Variants in SENP7 observed in about 807,000 individuals in gnomAD.
The protein encoded by SENP7 is SUMO specific peptidase 7.
SENP7 carries 64 observed loss-of-function variants against 141.2 expected under a neutral mutation model. The ratio of observed to expected loss-of-function variants is 0.45; its 90% CI spans 0.37 to 0.56. The LOEUF is 0.56. SENP7 is among the 20% of genes least tolerant of loss of function. The pLI is 0.00. For synonymous variants in SENP7, 382 were observed against 426.4 expected, an observed-to-expected ratio of 0.90 and a Z score of 1.28; for missense variants, 1,025 against 1,212.2, an observed-to-expected ratio of 0.85 and a Z score of 2.29.
chr3:101,384,327 A>T (rs888351332), intron 6 of SENP7, among the ~76,000 whole-genome samples: 1 of 152,268 alleles, frequency 6.6e-6, no homozygotes, highest in Non-Finnish European at 1.5e-5. Flanking sequence ...AGGGTGCTAC[A>T]CACTCTTGCC....
In SENP7 at chr3:101,493,916, A is replaced by G. The variant is rs759146742; in HGVS notation, c.143T>C (p.Leu48Pro). Reference sequence around the variant, plus strand: ...GCGTTCTGAGCTTCTGAATTTGGACAGTGGTGATTGAACATGGACATCCTC... The same window carrying G: ...GCGTTCTGAGCTTCTGAATTTGGACGGTGGTGATTGAACATGGACATCCTC... ...KPEDVHVQSP[L>P]SKFRSSERWT... The change falls in exon 3 of 24, where the codon CTG becomes CCG. Residue 48 changes from leucine (L) to proline (P), a missense_variant. By Grantham distance (98) the Leu-to-Pro change is moderately conservative. Transcript: ENST00000394095. The G allele has an allele frequency of 6.2e-7, 1 of 1,610,728 alleles. No homozygotes were observed. The highest frequency in any genetic ancestry group is 8.5e-7 in the Non-Finnish European group (1 of 1,177,648).
chr3:101,512,504 C>A (rs1464867142), intron 1 of SENP7, among the ~76,000 whole-genome samples: 1 of 152,228 alleles, frequency 6.6e-6, no homozygotes, highest in Non-Finnish European at 1.5e-5. Flanking sequence ...ACTTTCCAAT[C>A]ACTTTTGGAA....
Position 101,366,621 on chromosome 3 carries a change from A to G in SENP7, c.1127T>C (p.Leu376Ser). Residue 376 changes from leucine to serine, a missense_variant, in exon 9 of 24, where the codon TTG becomes TCG. Leu to Ser is a moderately radical substitution (Grantham distance 145). Coordinates refer to ENST00000394095, the MANE Select transcript of SENP7 (RefSeq NM_020654.5). ...ACTTTTGGTGGCATTACTCAAAGTC[A>G]ACTCCTGACTGTTAAGTGAGGATAG... ...TKLSSLNSQELTLSNATKSAS... is the reference protein window; with the variant it reads ...TKLSSLNSQESTLSNATKSAS... 10 of 1,614,002 alleles carry G rather than the reference A, an allele frequency of 6.2e-6. No homozygotes were observed. Among genetic ancestry groups the G allele is most frequent in the Non-Finnish European group, 8.5e-6 (10 of 1,179,880 alleles).
In SENP7 at chr3:101,347,900, T is replaced by C. The variant is rs908722378; in HGVS notation, c.1809A>G (p.Gln603=). 3.2e-5 allele frequency: 51 copies of C among 1,594,622 alleles called. No individual in the cohort carries two copies. The highest frequency in any genetic ancestry group is 4.2e-5 in the Non-Finnish European group (49 of 1,168,420). ...SSDYLQEIQT[Q]LEHSVLSQQS... ...GCTGGCTTAATACAGAGTGTTCTAATTGGGTCTGAATCTCTTGAAGATAAT... is the reference window on the plus strand; with the variant it reads ...GCTGGCTTAATACAGAGTGTTCTAACTGGGTCTGAATCTCTTGAAGATAAT... Residue 603 remains glutamine (Q), a synonymous_variant, in exon 13 of 24, where the codon CAA becomes CAG. Coordinates refer to ENST00000394095, the MANE Select transcript of SENP7 (RefSeq NM_020654.5).
intron 2 of SENP7, among the ~76,000 whole-genome samples, chr3:101,494,985 G>A (rs1445329381): frequency 6.6e-6 from 1 of 151,996 alleles, no homozygotes; most frequent in Non-Finnish European, 1.5e-5. Flanking sequence ...CAGCAAAAGA[G>A]TGAACAGACA....
rs568524779 is a variant in SENP7, at chr3:101,387,185, G to A, written c.677+11676C>T. Among the ~76,000 whole-genome samples, 8 of 152,172 alleles carry A rather than the reference G, an allele frequency of 5.3e-5. No individual in the cohort carries two copies. In the East Asian group the frequency reaches 1.6e-3, roughly 30 times the overall value. On this transcript the variant is annotated intron_variant, in intron 6 of 23. Transcript: ENST00000394095. ...GCACAATCAGAGAGCATAAGACTAG[G>A]TCAGCCCTGCTCACTGCCACCATTA...
intron 7 of SENP7, among the ~76,000 whole-genome samples, chr3:101,370,360 A>C (rs961573994): frequency 6.6e-6 from 1 of 152,110 alleles, no homozygotes; most frequent in East Asian, 1.9e-4. Context: ...CCACTTGTAC[A>C]AATACTTACA....
intron 3 of SENP7, among the ~76,000 whole-genome samples, chr3:101,477,956 GT>G (rs538042881): frequency 2.6e-5 from 4 of 151,532 alleles, no homozygotes; most frequent in East Asian, 3.9e-4. Context: ...AAAAAGCGTT[GT>G]TTTTTTTAAA....
chr3:101,447,555 T>C (rs1341574733), intron 4 of SENP7, among the ~76,000 whole-genome samples: 1 of 152,050 alleles, frequency 6.6e-6, no homozygotes, highest in Non-Finnish European at 1.5e-5. Context: ...AAAGACACAC[T>C]GAAAACCACA....
intron 2 of SENP7, among the ~76,000 whole-genome samples, chr3:101,498,424 C>A (rs922821655): frequency 2.0e-5 from 3 of 152,198 alleles, no homozygotes; most frequent in Admixed American, 1.3e-4. Context: ...GTCATCATCA[C>A]TTCTGTGGTA....
intron 5 of SENP7, among the ~76,000 whole-genome samples, chr3:101,416,459 C>A (rs1167244434): frequency 6.6e-6 from 1 of 152,096 alleles, no homozygotes; most frequent in Non-Finnish European, 1.5e-5. Flanking sequence ...GAAAGCCATT[C>A]CTTTAAGTAG....
At chr3:101,440,972 A>G (rs1052972041) in intron 4 of SENP7, among the ~76,000 whole-genome samples, 1 of 152,212 alleles carries the variant, frequency 6.6e-6, no homozygotes, top group Non-Finnish European at 1.5e-5. Context: ...CAAATTAAGA[A>G]TAGAAAGGAA....
chr3:101,341,775 G>A lies in SENP7; in HGVS notation c.2111C>T (p.Ser704Leu), dbSNP rs773602247. The stretch of plus-strand genomic sequence containing the variant: ...AGTAGGCTTGGCCGCATCTGTGTTT[G>A]AGGGCTGACAGAAAGTGGCAAGAAA... The part of the protein sequence containing the change: ...EMKLKSVSQP[S>L]NTDAAKPTYT... The change falls in exon 15 of 24, where the codon TCA becomes TTA. Residue 704 changes from serine to leucine, a missense_variant. Physicochemically the swap from Ser to Leu is moderately radical, Grantham distance 145. Transcript: ENST00000394095. 5.6e-6 allele frequency: 9 copies of A among 1,594,504 alleles called. No homozygotes were observed. The highest frequency in any genetic ancestry group is 7.7e-6 in the Non-Finnish European group (9 of 1,165,212).
In SENP7 at chr3:101,414,631, TAA is replaced by T. The variant is rs1301708721; in HGVS notation, c.482+2960_482+2961del. ...GGAAGCTCTCTTAGCCATTGGGAAA[TAA>T]AAGTCTTTGCCAGTGGCCATGGGGG... On this transcript the variant is annotated intron_variant, in intron 5 of 23. Coordinates refer to ENST00000394095, the MANE Select transcript of SENP7 (RefSeq NM_020654.5). The T allele has an allele frequency of 1.1e-5, 17 of 1,560,902 alleles. No homozygotes were observed. In the East Asian group the frequency reaches 1.3e-4, roughly 12 times the overall value.
At chr3:101,480,429 C>G (rs944963422) in intron 3 of SENP7, among the ~76,000 whole-genome samples, 1 of 152,032 alleles carries the variant, frequency 6.6e-6, no homozygotes, top group Non-Finnish European at 1.5e-5. Flanking sequence ...TAAGGAACAC[C>G]CTCTTCAATA....
chr3:101,429,230 A>G (rs746698380), intron 4 of SENP7, among the ~76,000 whole-genome samples: 87 of 152,208 alleles, frequency 5.7e-4, no homozygotes, highest in Non-Finnish European at 1.1e-3. Flanking sequence ...TTCTGTGAAG[A>G]AAGTCATTGG....
chr3:101,368,246 T>C (rs941077951), intron 7 of SENP7, among the ~76,000 whole-genome samples: 1 of 151,840 alleles, frequency 6.6e-6, no homozygotes, highest in African/African-American at 2.4e-5. Context: ...GAGAAAAATA[T>C]ATAAAGAAGA....
chr3:101,390,303 G>T (rs2060781563), intron 6 of SENP7, among the ~76,000 whole-genome samples: 1 of 142,738 alleles, frequency 7.0e-6, no homozygotes, highest in Non-Finnish European at 1.5e-5. Flanking sequence ...TCAACTGTAT[G>T]CTCCCTACTC....
At chr3:101,347,551 T>C (rs1426818879) in intron 13 of SENP7, 1 of 156,706 alleles carries the variant, frequency 6.4e-6, no homozygotes, top group Non-Finnish European at 1.4e-5. Context: ...TGAAACCCCG[T>C]CTCTACTAAA....
Sources: allele counts gnomAD v4.1 joint callset (sites outside exome capture counted in the v4.1 genomes callset), GRCh38; gene constraint gnomAD v4.1.1; transcripts MANE v1.5; gene names NCBI Gene and HGNC (gene_info 2026-07-23, HGNC 2026-07-21).